TGFA: variants seen among roughly 807,000 people sequenced by gnomAD.
The protein encoded by TGFA is transforming growth factor alpha.
TGFA carries 12 observed loss-of-function variants against 21.7 expected under a neutral mutation model. The ratio of observed to expected loss-of-function variants is 0.55; its 90% CI spans 0.35 to 0.90. TGFA has a LOEUF of 0.90. Among genes scored for constraint, TGFA ranks in the 40% least tolerant of loss-of-function variants. The probability of loss-of-function intolerance (pLI) is 0.01; values close to 1 mark genes in which losing one functional copy is unlikely to be tolerated. For synonymous variants in TGFA, 79 were observed against 88.1 expected (o/e 0.90, Z 0.58); for missense variants, 178 against 210.8 (o/e 0.84, Z 0.96).
At chr2:70,522,510 C>T (rs1195461390) in intron 1 of TGFA, among the ~76,000 whole-genome samples, 2 of 152,224 alleles carry the variant, frequency 1.3e-5, no homozygotes, top group Non-Finnish European at 2.9e-5. Flanking sequence ...TCTCAGCTCA[C>T]TGCAACCTCC....
At chr2:70,523,295 CAG>C (rs1481759510) in intron 1 of TGFA, among the ~76,000 whole-genome samples, 1 of 152,190 alleles carries the variant, frequency 6.6e-6, no homozygotes, top group Admixed American at 6.5e-5. Context: ...GAGGCTAAGA[CAG>C]AGGAGTGAAC....
intron 2 of TGFA, among the ~76,000 whole-genome samples, chr2:70,507,531 A>G (rs1474781435): frequency 1.3e-5 from 2 of 152,230 alleles, no homozygotes; most frequent in African/African-American, 2.4e-5. Context: ...TACCTGTTCC[A>G]TAACTATTTT....
At chr2:70,542,139 AC>A (rs1325592076) in intron 1 of TGFA, among the ~76,000 whole-genome samples, 1 of 151,990 alleles carries the variant, frequency 6.6e-6, no homozygotes, top group Non-Finnish European at 1.5e-5. Context: ...AGCTCTGTCA[AC>A]CCCCCCAAAA....
chr2:70,527,150 G>T (rs868909416), intron 1 of TGFA, among the ~76,000 whole-genome samples: 3 of 152,190 alleles, frequency 2.0e-5, no homozygotes, highest in African/African-American at 7.2e-5. Flanking sequence ...TCTGCATATA[G>T]ATGCTTACAG....
At chr2:70,471,112 C>CA (rs1291810386) in intron 2 of TGFA, among the ~76,000 whole-genome samples, 1 of 140,448 alleles carries the variant, frequency 7.1e-6, no homozygotes, top group African/African-American at 2.9e-5. Context: ...TCCCCGCACC[C>CA]CCCCCACCAT....
Position 70,449,571 on chromosome 2 carries a change from C to T in TGFA, c.*1288G>A, listed in dbSNP as rs946912661. On this transcript the variant is annotated 3_prime_UTR_variant, in exon 6 of 6. Coordinates refer to ENST00000295400, the MANE Select transcript of TGFA (RefSeq NM_003236.4). ...TCCTTCTCTTGAGGGGAAAGGAAGA[C>T]CCACATAGTGGAGGTGACTTGTTAG... 36 of 255,398 alleles carry T rather than the reference C, an allele frequency of 1.4e-4. 1 individual carries two copies. Among genetic ancestry groups the T allele is most frequent in the Admixed American group, 5.1e-4 (11 of 21,518 alleles). The allele number at this position is 255,398 out of a possible 1,614,324, so 15.8% of individuals were successfully genotyped here.
intron 2 of TGFA, among the ~76,000 whole-genome samples, chr2:70,493,351 A>G (rs910430954): frequency 2.0e-5 from 3 of 152,188 alleles, no homozygotes; most frequent in Non-Finnish European, 4.4e-5. Flanking sequence ...ACGTGACACT[A>G]TAGCTTCAAA....
chr2:70,453,059 C>A (rs142909020), intron 5 of TGFA, among the ~76,000 whole-genome samples, 159 bp downstream of exon 5: 15 of 149,138 alleles, frequency 1.0e-4, no homozygotes, highest in Non-Finnish European at 1.8e-4. Context: ...AAGTAAAAGG[C>A]ACCTATGAAT....
intron 1 of TGFA, among the ~76,000 whole-genome samples, chr2:70,549,649 C>T (rs1553506504): frequency 6.6e-6 from 1 of 152,228 alleles, no homozygotes; most frequent in Non-Finnish European, 1.5e-5. Context: ...CAAACCTCCT[C>T]TTCCCGTTGC....
intron 1 of TGFA, among the ~76,000 whole-genome samples, chr2:70,524,029 G>A (rs1672556744): frequency 6.6e-6 from 1 of 152,154 alleles, no homozygotes; most frequent in Non-Finnish European, 1.5e-5. Flanking sequence ...GGAGCCAGTT[G>A]CTTCCTGTTG....
intron 5 of TGFA, among the ~76,000 whole-genome samples, chr2:70,451,123 T>TG (rs1670042775): frequency 6.9e-6 from 1 of 145,820 alleles, no homozygotes; most frequent in East Asian, 2.1e-4. Flanking sequence ...GGAAGGCAGA[T>TG]GGGGGGGAGC....
chr2:70,515,785 G>A (rs1553501519), intron 1 of TGFA, among the ~76,000 whole-genome samples: 1 of 152,134 alleles, frequency 6.6e-6, no homozygotes, highest in Non-Finnish European at 1.5e-5. Context: ...GCAGGAGCAA[G>A]AAAACCTAGG....
chr2:70,454,439 G>A (rs1164143348), intron 4 of TGFA, among the ~76,000 whole-genome samples: 1 of 152,246 alleles, frequency 6.6e-6, no homozygotes, highest in East Asian at 1.9e-4. Context: ...GCCTGGGCAC[G>A]AGGCCCTTCT....
At chr2:70,547,833 ATATATATAGAGATATATATATC>A (rs1673361697) in intron 1 of TGFA, among the ~76,000 whole-genome samples, 2 of 147,724 alleles carry the variant, frequency 1.4e-5, no homozygotes, top group Non-Finnish European at 3.0e-5. Flanking sequence ...CTATCTATAG[ATATATATAGAGATATATATATC>A]TATATATAGA....
intron 1 of TGFA, among the ~76,000 whole-genome samples, chr2:70,527,739 G>A (rs978899490): frequency 1.3e-5 from 2 of 152,164 alleles, no homozygotes; most frequent in Admixed American, 6.5e-5. Flanking sequence ...AAAGCTCTCT[G>A]TGCTTTCTGC....
chr2:70,520,728 TAC>T (rs1242440209), intron 1 of TGFA, among the ~76,000 whole-genome samples: 1 of 151,970 alleles, frequency 6.6e-6, no homozygotes, highest in Non-Finnish European at 1.5e-5. Flanking sequence ...AAGTTATCAC[TAC>T]AGCCCACCAA....
At chr2:70,532,774 A>G (rs72910091) in intron 1 of TGFA, among the ~76,000 whole-genome samples, 6,232 of 152,244 alleles carry the variant, frequency 0.041, 303 homozygotes, top group African/African-American at 0.11. Context: ...TTCCTCCCCC[A>G]GAGGAGCCAA....
At chr2:70,534,293 G>A (rs1367313447) in intron 1 of TGFA, among the ~76,000 whole-genome samples, 2 of 152,222 alleles carry the variant, frequency 1.3e-5, no homozygotes, top group African/African-American at 4.8e-5. Context: ...GCTCTCGCAG[G>A]TTCTATCTTT....
At chr2:70,470,374 G>A (rs1388284602) in intron 2 of TGFA, among the ~76,000 whole-genome samples, 1 of 152,214 alleles carries the variant, frequency 6.6e-6, no homozygotes, top group African/African-American at 2.4e-5. Flanking sequence ...CCTCCTGGCA[G>A]TCTTAGCAAG....
Sources: gnomAD v4.1 joint callset for allele counts (sites outside exome capture counted in the v4.1 genomes callset) on GRCh38, gnomAD v4.1.1 for gene constraint, MANE v1.5 for transcripts, NCBI Gene and HGNC (gene_info 2026-07-23, HGNC 2026-07-21) for gene names.